IGLL5: variants seen among roughly 807,000 people sequenced by gnomAD.
IGLL5 encodes immunoglobulin lambda-like polypeptide 5.
A neutral mutation model predicts 20.9 loss-of-function variants in IGLL5; 30 were observed. The observed-to-expected ratio is 1.44, with a 90% CI of 1.07 to 1.95. IGLL5 has a LOEUF of 1.95. Among genes scored for constraint, IGLL5 ranks in the 30% most tolerant of loss-of-function variants. IGLL5 has a pLI of 0.00. For synonymous variants in IGLL5, 203 were observed against 117.3 expected, an observed-to-expected ratio of 1.73 and a Z score of -4.72; for missense variants, 475 against 270.7, an observed-to-expected ratio of 1.75 and a Z score of -5.30.
chr22:22,894,206 A>G lies in IGLL5; in HGVS notation c.325+388A>G, dbSNP rs544418903. Among the ~76,000 whole-genome samples the G allele has an allele frequency of 2.0e-5, 3 of 151,326 alleles. 1 individual carries two copies. Among genetic ancestry groups the G allele is most frequent in the Non-Finnish European group, 4.4e-5 (3 of 67,848 alleles). ...GCTGGGGTGGGCCTGGGAGCTGCTG[A>G]GTCTCATAGTCTAGGGGAGCAGCCC... On this transcript the variant is annotated intron_variant, in intron 2 of 2. Coordinates refer to ENST00000526893, the MANE Select transcript of IGLL5 (RefSeq NM_001178126.2).
intron 1 of IGLL5, among the ~76,000 whole-genome samples, chr22:22,891,355 C>T (rs888605099): frequency 5.3e-5 from 8 of 151,100 alleles, no homozygotes; most frequent in Non-Finnish European, 7.4e-5. Flanking sequence ...TCAATTACTA[C>T]ATTACTGATT....
At chr22:22,894,632 A>C (rs571601943) in intron 2 of IGLL5, among the ~76,000 whole-genome samples, 2 of 150,974 alleles carry the variant, frequency 1.3e-5, no homozygotes, top group South Asian at 2.1e-4. Context: ...AGAGAACTCC[A>C]TGGCTACCAG....
rs552746004 is a variant in IGLL5, at chr22:22,889,011, G to A, written c.206+752G>A. Among the ~76,000 whole-genome samples the A allele has an allele frequency of 4.5e-4, 68 of 151,384 alleles. 1 individual carries two copies. Among genetic ancestry groups the A allele is most frequent in the African/African-American group, 1.6e-3 (66 of 41,310 alleles). On this transcript the variant is annotated intron_variant, in intron 1 of 2. Coordinates refer to ENST00000526893, the MANE Select transcript of IGLL5 (RefSeq NM_001178126.2). ...AGCTCCTGGGTGACTGGGAAGGGGA[G>A]GCAAGAAGACCATAGGGTCCGTGCA... is the stretch of plus-strand genomic sequence containing the variant.
rs559114927 is a variant in IGLL5 at position 22,894,858 on chromosome 22, A to G, written c.326-517A>G. Among the ~76,000 whole-genome samples the G allele has an allele frequency of 1.5e-4, 22 of 151,308 alleles. 1 individual carries two copies. Among genetic ancestry groups the G allele is most frequent in the Non-Finnish European group, 1.5e-4 (10 of 67,834 alleles). On this transcript the variant is annotated intron_variant, in intron 2 of 2. Transcript: ENST00000526893. ...AGCCAAGTGGGCTGGGCTGGGGCAG[A>G]GCCCGGTGCCTGTGAGGGATAGGAA... is the stretch of plus-strand genomic sequence containing the variant.
Position 22,894,635 on chromosome 22 carries a change from G to A in IGLL5, c.326-740G>A, listed in dbSNP as rs537022407. Among the ~76,000 whole-genome samples the A allele has an allele frequency of 4.6e-5, 7 of 151,022 alleles. 1 individual carries two copies. Among genetic ancestry groups the A allele is most frequent in the East Asian group, 4.1e-4 (2 of 4,884 alleles). On this transcript the variant is annotated intron_variant, in intron 2 of 2. Transcript: ENST00000526893. Reference sequence around the variant, plus strand: ...AATGAGGGGTGCAGAGAACTCCATGGCTACCAGGTGAAGTTTGGGGTCATC... The same window carrying A: ...AATGAGGGGTGCAGAGAACTCCATGACTACCAGGTGAAGTTTGGGGTCATC...
intron 1 of IGLL5, among the ~76,000 whole-genome samples, chr22:22,888,648 C>T (rs2067627266): frequency 6.6e-6 from 1 of 151,302 alleles, no homozygotes; most frequent in African/African-American, 2.4e-5. Flanking sequence ...TCCTCTCTGC[C>T]CATGTGCCTC....
intron 2 of IGLL5, among the ~76,000 whole-genome samples, chr22:22,894,884 G>GCTCCAGTTCAAAGAAT: frequency 6.6e-6 from 1 of 151,476 alleles, no homozygotes; most frequent in East Asian, 2.0e-4. Flanking sequence ...GGGATAGGAA[G>GCTCCAGTTCAAAGAAT]CTCCAGTTCA....
intron 1 of IGLL5, among the ~76,000 whole-genome samples, chr22:22,889,772 ATTAGT>A (rs927614892): frequency 5.3e-5 from 8 of 151,174 alleles, no homozygotes; most frequent in Non-Finnish European, 1.2e-4. Flanking sequence ...TAGGATTATT[ATTAGT>A]TTAGAGACAG....
At chr22:22,889,824 T>G (rs2067756244) in intron 1 of IGLL5, among the ~76,000 whole-genome samples, 1 of 151,306 alleles carries the variant, frequency 6.6e-6, no homozygotes, top group African/African-American at 2.4e-5. Flanking sequence ...CTCAAATTCC[T>G]AAGCTCAAGC....
intron 2 of IGLL5, among the ~76,000 whole-genome samples, chr22:22,895,086 A>G (rs2066722318): frequency 1.3e-5 from 2 of 151,450 alleles, no homozygotes; most frequent in African/African-American, 2.4e-5. Flanking sequence ...AGATCAGAGA[A>G]GAAGGAACAC....
chr22:22,894,652 G>A (rs2146044103), intron 2 of IGLL5, among the ~76,000 whole-genome samples: 1 of 151,170 alleles, frequency 6.6e-6, no homozygotes, highest in African/African-American at 2.4e-5. Flanking sequence ...GGTGAAGTTT[G>A]GGGTCATCAC....
At chr22:22,888,630 C>G (rs191496884) in intron 1 of IGLL5, among the ~76,000 whole-genome samples, 1 of 151,250 alleles carries the variant, frequency 6.6e-6, no homozygotes, top group Non-Finnish European at 1.5e-5. Flanking sequence ...GCCTGTTCCT[C>G]CCCCTCCTCC....
chr22:22,894,649 T>A (rs541282858), intron 2 of IGLL5, among the ~76,000 whole-genome samples: 2 of 148,062 alleles, frequency 1.4e-5, no homozygotes, highest in Admixed American at 6.8e-5. Context: ...CCAGGTGAAG[T>A]TTGGGGTCAT....
At chr22:22,888,721 C>G (rs527806950) in intron 1 of IGLL5, among the ~76,000 whole-genome samples, 1 of 151,382 alleles carries the variant, frequency 6.6e-6, no homozygotes, top group East Asian at 2.0e-4. Flanking sequence ...TTGGTCTCCC[C>G]CAAGGCTGTC....
Position 22,894,040 on chromosome 22 carries a change from G to A in IGLL5, c.325+222G>A, listed in dbSNP as rs533712149. On this transcript the variant is annotated intron_variant, in intron 2 of 2. Transcript: ENST00000526893. ...GATGCAGCCTGGTCCCGGGGCCTGA[G>A]CTGGGATTGGGCAGGGTCAGGGCTC... Among the ~76,000 whole-genome samples, 23 of 150,538 alleles carry A rather than the reference G, an allele frequency of 1.5e-4. 2 individuals carry two copies. Among genetic ancestry groups the A allele is most frequent in the South Asian group, 6.5e-4 (3 of 4,650 alleles).
intron 2 of IGLL5, among the ~76,000 whole-genome samples, chr22:22,894,623 G>T (rs548896345): frequency 6.6e-6 from 1 of 151,044 alleles, no homozygotes; most frequent in Admixed American, 6.6e-5. Flanking sequence ...GAGGGGTGCA[G>T]AGAACTCCAT....
rs2066757048 is a variant in IGLL5 at position 22,895,883 on chromosome 22, G to A, written c.*189G>A. 8 of 667,990 alleles carry A rather than the reference G, an allele frequency of 1.2e-5. No individual in the cohort carries two copies. Among genetic ancestry groups the A allele is most frequent in the Admixed American group, 5.1e-5 (2 of 39,102 alleles). 41.4% of individuals were successfully genotyped at this position (667,990 alleles called of 1,614,324 possible). On this transcript the variant is annotated 3_prime_UTR_variant, in exon 3 of 3. Transcript: ENST00000526893. ...CTCACATAAATTGCTAGCCTCCCCG[G>A]GGTTCTCAGTGTGGGGTACAGGGAA...
chr22:22,889,755 T>A (rs2067750087), intron 1 of IGLL5, among the ~76,000 whole-genome samples: 1 of 151,240 alleles, frequency 6.6e-6, no homozygotes, highest in East Asian at 2.0e-4. Context: ...ACCTGGCTAA[T>A]TTTGATTAGG....
At chr22:22,888,499 A>G (rs145247648) in intron 1 of IGLL5, among the ~76,000 whole-genome samples, 3 of 151,388 alleles carry the variant, frequency 2.0e-5, no homozygotes, top group East Asian at 2.0e-4. Context: ...GGCGCCACTT[A>G]AATTTTCACC....
Sources: gnomAD v4.1 joint callset for allele counts (sites outside exome capture counted in the v4.1 genomes callset) on GRCh38, gnomAD v4.1.1 for gene constraint, MANE v1.5 for transcripts, NCBI Gene and HGNC (gene_info 2026-07-23, HGNC 2026-07-21) for gene names.